SEMA5A: variants seen among roughly 807,000 people sequenced by gnomAD.
The protein encoded by SEMA5A is semaphorin 5A.
A neutral mutation model predicts 135.5 loss-of-function variants in SEMA5A; 55 were observed. That is an observed-to-expected ratio of 0.41 (90% CI 0.33 to 0.51). SEMA5A has a LOEUF of 0.51. Ranked by LOEUF, SEMA5A falls within the 20% of genes least tolerant of loss-of-function variation. SEMA5A has a pLI of 0.37. For synonymous variants in SEMA5A, 580 were observed against 546.5 expected, an observed-to-expected ratio of 1.06 and a Z score of -0.85; for missense variants, 1,290 against 1,419.9, an observed-to-expected ratio of 0.91 and a Z score of 1.47.
intron 5 of SEMA5A, among the ~76,000 whole-genome samples, chr5:9,250,411 C>T (rs574730870): frequency 1.3e-5 from 2 of 152,246 alleles, no homozygotes; most frequent in South Asian, 4.1e-4. Flanking sequence ...CCATAAGTAA[C>T]TTTAACCTTA....
intron 1 of SEMA5A, among the ~76,000 whole-genome samples, chr5:9,438,253 A>G (rs1758104367): frequency 1.3e-5 from 2 of 152,140 alleles, no homozygotes; most frequent in South Asian, 4.1e-4. Flanking sequence ...TTTGGAACAC[A>G]TGGTACCTTA....
chr5:9,046,735 A>T (rs892081578), intron 21 of SEMA5A, among the ~76,000 whole-genome samples: 26 of 152,210 alleles, frequency 1.7e-4, no homozygotes, highest in African/African-American at 5.8e-4. Flanking sequence ...GCTGCTCCAG[A>T]CAATGTGTTC....
intron 1 of SEMA5A, among the ~76,000 whole-genome samples, chr5:9,514,781 T>C (rs1284648050): frequency 6.6e-6 from 1 of 152,184 alleles, no homozygotes; most frequent in Non-Finnish European, 1.5e-5. Context: ...GAGTCAACTG[T>C]TACTTTTAAA....
At chr5:9,194,389 C>T (rs1468031289) in intron 10 of SEMA5A, among the ~76,000 whole-genome samples, 3 of 152,188 alleles carry the variant, frequency 2.0e-5, no homozygotes, top group Non-Finnish European at 4.4e-5. Context: ...TAATTAGCTA[C>T]TTCTAGTATG....
At chr5:9,084,064 C>T (rs76677754) in intron 16 of SEMA5A, among the ~76,000 whole-genome samples, 7,955 of 152,196 alleles carry the variant, frequency 0.052, 403 homozygotes, top group African/African-American at 0.13. Flanking sequence ...ATCTTAGCCC[C>T]TTTAATAAAA....
At chr5:9,198,680 G>A (rs1313092669) in intron 9 of SEMA5A, among the ~76,000 whole-genome samples, 1 of 152,152 alleles carries the variant, frequency 6.6e-6, no homozygotes, top group Non-Finnish European at 1.5e-5. Context: ...ACCAGCTATG[G>A]GTTTGTTCAC....
chr5:9,249,432 G>C (rs1748658444), intron 5 of SEMA5A, among the ~76,000 whole-genome samples: 1 of 152,170 alleles, frequency 6.6e-6, no homozygotes, highest in Admixed American at 6.5e-5. Context: ...CTTTAATCTA[G>C]CTGAAGATGG....
chr5:9,294,353 C>G (rs892664878), intron 5 of SEMA5A, among the ~76,000 whole-genome samples: 2 of 152,206 alleles, frequency 1.3e-5, no homozygotes, highest in African/African-American at 4.8e-5. Flanking sequence ...CCATCCACAT[C>G]ATCAAAGCTG....
At chr5:9,386,269 T>TA (rs1254069817) in intron 2 of SEMA5A, among the ~76,000 whole-genome samples, 3 of 152,122 alleles carry the variant, frequency 2.0e-5, no homozygotes, top group Non-Finnish European at 2.9e-5. Flanking sequence ...AGCCATGCCC[T>TA]ACACACCCTG....
At position 9,280,653 on chromosome 5, in the gene SEMA5A, T is replaced by C. The variant is rs1373577815; in HGVS notation, c.270+37719A>G. The C allele has an allele frequency of 2.7e-5, 6 of 224,514 alleles. No individual in the cohort carries two copies. The East Asian group carries it at 4.5e-4, about 17-fold the overall frequency. 13.9% of individuals were successfully genotyped at this position (224,514 alleles called of 1,614,324 possible). A position where few individuals can be genotyped will look rare whatever the true frequency, so the allele number is the denominator to read the frequency against. ...GTGTTCAATACTTCAGTTATTTTGG[T>C]ACATAGGCAAATTGGATACCTCTGA... On this transcript the variant is annotated intron_variant, in intron 5 of 22. Transcript: ENST00000382496.
At chr5:9,369,251 T>C (rs1476877921) in intron 3 of SEMA5A, among the ~76,000 whole-genome samples, 1 of 152,204 alleles carries the variant, frequency 6.6e-6, no homozygotes, top group African/African-American at 2.4e-5. Context: ...TGTGTGTGTG[T>C]GTATGTATGT....
intron 5 of SEMA5A, among the ~76,000 whole-genome samples, chr5:9,276,509 C>T (rs375615245): frequency 2.6e-5 from 4 of 152,276 alleles, no homozygotes; most frequent in African/African-American, 9.6e-5. Context: ...CAAGACAATC[C>T]TAAGCAAAAA....
intron 5 of SEMA5A, among the ~76,000 whole-genome samples, chr5:9,273,660 G>C (rs1750104398): frequency 6.6e-6 from 1 of 152,150 alleles, no homozygotes; most frequent in African/African-American, 2.4e-5. Flanking sequence ...AACTCTACAA[G>C]CCAGAAGGAG....
At chr5:9,151,833 A>G (rs927938568) in intron 12 of SEMA5A, among the ~76,000 whole-genome samples, 3 of 152,326 alleles carry the variant, frequency 2.0e-5, no homozygotes, top group Admixed American at 2.0e-4. Flanking sequence ...CAGGATGATT[A>G]AGCTCCAGCT....
chr5:9,489,910 A>G (rs1405633774), intron 1 of SEMA5A, among the ~76,000 whole-genome samples: 2 of 152,184 alleles, frequency 1.3e-5, no homozygotes, highest in East Asian at 3.9e-4. Flanking sequence ...ATGATCTCAC[A>G]TGCCTCTAGC....
intron 1 of SEMA5A, among the ~76,000 whole-genome samples, chr5:9,513,544 T>C (rs938581060): frequency 6.6e-6 from 1 of 152,108 alleles, no homozygotes; most frequent in Non-Finnish European, 1.5e-5. Context: ...AAGAAAGAGA[T>C]CATAATGGCT....
intron 5 of SEMA5A, among the ~76,000 whole-genome samples, chr5:9,296,902 C>CAAA (rs34923583): frequency 7.4e-6 from 1 of 134,682 alleles, no homozygotes; most frequent in African/African-American, 2.8e-5. Flanking sequence ...ACTGTGATCT[C>CAAA]AAAAAAAAAA....
At chr5:9,456,580 G>A (rs13162877) in intron 1 of SEMA5A, among the ~76,000 whole-genome samples, 23,947 of 152,062 alleles carry the variant, frequency 0.16, 2,368 homozygotes, top group Non-Finnish European at 0.23. Context: ...TCAGACTCCC[G>A]TCCCTTCAGC....
intron 18 of SEMA5A, among the ~76,000 whole-genome samples, chr5:9,057,175 A>C (rs746370717): frequency 6.6e-6 from 1 of 152,256 alleles, no homozygotes; most frequent in Non-Finnish European, 1.5e-5. Flanking sequence ...CCAGTTATTC[A>C]AAATGAGTAA....
Sources: allele counts gnomAD v4.1 joint callset (sites outside exome capture counted in the v4.1 genomes callset), GRCh38; gene constraint gnomAD v4.1.1; transcripts MANE v1.5; gene names NCBI Gene and HGNC (gene_info 2026-07-23, HGNC 2026-07-21).